ACAA2: variants seen among roughly 807,000 people sequenced by gnomAD.
The protein encoded by ACAA2 is acetyl-CoA acyltransferase 2, also known as 3-ketoacyl-CoA thiolase, mitochondrial.
Under a neutral mutation model 44.8 loss-of-function variants are expected in ACAA2, and 35 were observed. The observed-to-expected ratio is 0.78, with a 90% CI of 0.60 to 1.04. The LOEUF (loss-of-function observed/expected upper bound fraction) is 1.04, where lower values mean the gene tolerates loss of function less well. Ranked by LOEUF, ACAA2 falls within the 50% of genes least tolerant of loss-of-function variation. The probability of loss-of-function intolerance (pLI) is 0.00; values close to 1 mark genes in which losing one functional copy is unlikely to be tolerated. For missense variants in ACAA2, 468 were observed against 482.6 expected (o/e 0.97, Z 0.28); for synonymous variants, 142 against 166.5 (o/e 0.85, Z 1.13).
At chr18:49,803,058 C>G in intron 1 of ACAA2, 1 of 637,898 alleles carries the variant, frequency 1.6e-6, no homozygotes, top group Non-Finnish European at 2.8e-6. Context: ...TACCTACATG[C>G]AGGTACCAAG....
intron 8 of ACAA2, chr18:49,785,762 T>TAAGA (rs1457202641): frequency 1.0e-5 from 2 of 191,954 alleles, no homozygotes; most frequent in Non-Finnish European, 2.1e-5. Context: ...GGTATCATGC[T>TAAGA]AAGAGTCACT....
intron 1 of ACAA2, among the ~76,000 whole-genome samples, chr18:49,809,751 G>C (rs1255200392): frequency 6.6e-6 from 1 of 152,212 alleles, no homozygotes; most frequent in Admixed American, 6.5e-5. Flanking sequence ...CACAGATGAT[G>C]TTTAGGGTGG....
rs2298630 is a variant in ACAA2, at chr18:49,795,466, C to T, written c.429+299G>A. ...TCACTCTTTTGTCTATCTTTTTAAT[C>T]CACTTCTTCCCTTCCTCCATCTCTC... On this transcript the variant is annotated intron_variant, in intron 4 of 9. Transcript: ENST00000285093. 0.17 allele frequency among the ~76,000 whole-genome samples: 25,223 copies of T among 152,066 alleles called. 2,680 individuals carry two copies. The highest frequency in any genetic ancestry group is 0.31 in the Middle Eastern group (90 of 294).
chr18:49,791,599 CCTTGAAAATAAAAATA>C lies in ACAA2; in HGVS notation c.754-16_754-1del. The C allele has an allele frequency of 6.2e-7, 1 of 1,611,742 alleles. No homozygotes were observed. The highest frequency in any genetic ancestry group is 1.1e-5 in the South Asian group (1 of 90,832). On this transcript the variant is annotated splice_acceptor_variant and splice_polypyrimidine_tract_variant and intron_variant, in intron 6 of 9. Coordinates refer to ENST00000285093, the MANE Select transcript of ACAA2 (RefSeq NM_006111.3). LOFTEE classifies it high-confidence loss of function. Reference sequence around the variant, plus strand: ...ACAGCTCCAGCACCATCAGCTACACCCTTGAAAATAAAAATACTAGATTAACTAAAGGCTAAAATAA... The same window carrying C: ...ACAGCTCCAGCACCATCAGCTACACCCTAGATTAACTAAAGGCTAAAATAA...
rs1390994194 is a variant in ACAA2 at position 49,794,276 on chromosome 18, T to C, written c.577+4A>G. On this transcript the variant is annotated splice_donor_region_variant and intron_variant, in intron 5 of 9. Coordinates refer to ENST00000285093, the MANE Select transcript of ACAA2 (RefSeq NM_006111.3). ...AGATACTGATACTTTCCAGTTTCAC[T>C]CACCAGCTTTCCATCTCTGCTGTGA... 1 of 1,594,840 alleles carries C rather than the reference T, an allele frequency of 6.3e-7. No individual in the cohort carries two copies. Among genetic ancestry groups the C allele is most frequent in the South Asian group, 1.1e-5 (1 of 87,198 alleles).
chr18:49,787,341 C>A lies in ACAA2; in HGVS notation c.904G>T (p.Gly302Trp). 1 of 1,472,388 alleles carries A rather than the reference C, an allele frequency of 6.8e-7. No individual in the cohort carries two copies. The highest frequency in any genetic ancestry group is 2.5e-5 in the Admixed American group (1 of 39,772). The allele number at this position is 1,472,388 out of a possible 1,614,324, so 91.2% of individuals were successfully genotyped here. The change falls in exon 8 of 10, where the codon GGG becomes TGG. Residue 302 changes from glycine (G) to tryptophan (W), a missense_variant. By Grantham distance (184) the Gly-to-Trp change is radical. Transcript: ENST00000285093. ...MGIGPVPAIS[G>W]ALKKAGLSLK... ...CTCAGTCCTGCTTTCTTCAGTGCCC[C>A]ACTGATAGCAGGGACAGGACCTATA... is the stretch of plus-strand genomic sequence containing the variant.
At chr18:49,794,640 T>G (rs2023444555) in intron 4 of ACAA2, among the ~76,000 whole-genome samples, 1 of 152,194 alleles carries the variant, frequency 6.6e-6, no homozygotes, top group Non-Finnish European at 1.5e-5. Context: ...GCACACATTC[T>G]CTGTCCCTCT....
chr18:49,788,504 T>G (rs928095493), intron 7 of ACAA2, among the ~76,000 whole-genome samples: 4 of 152,074 alleles, frequency 2.6e-5, no homozygotes, highest in South Asian at 2.1e-4. Flanking sequence ...CAGTTTCATG[T>G]GGCTACTGAT....
At chr18:49,801,724 T>C (rs1177224737) in intron 2 of ACAA2, among the ~76,000 whole-genome samples, 3 of 148,850 alleles carry the variant, frequency 2.0e-5, no homozygotes, top group Non-Finnish European at 3.0e-5. Flanking sequence ...TTTAAATATA[T>C]GTATCATATA....
intron 2 of ACAA2, among the ~76,000 whole-genome samples, chr18:49,799,413 C>T (rs62057092): frequency 4.6e-5 from 5 of 108,594 alleles, no homozygotes; most frequent in African/African-American, 1.1e-4. Context: ...GACGGGGTTT[C>T]GCTGTGTTGG....
chr18:49,786,533 TGA>T (rs1316810875), intron 8 of ACAA2: 1 of 152,210 alleles, frequency 6.6e-6, no homozygotes, highest in African/African-American at 2.4e-5. Flanking sequence ...GTTTCCTGTG[TGA>T]GAGATTATCA....
At chr18:49,789,294 C>A (rs1287581299) in intron 7 of ACAA2, among the ~76,000 whole-genome samples, 1 of 151,534 alleles carries the variant, frequency 6.6e-6, no homozygotes, top group Non-Finnish European at 1.5e-5. Context: ...AACCAGTTCC[C>A]ACTAGATACT....
intron 8 of ACAA2, 86 bp downstream of exon 8, chr18:49,787,205 T>A: frequency 9.3e-7 from 1 of 1,079,490 alleles, no homozygotes. Flanking sequence ...CAAAGAGCAA[T>A]GAGACCAAAT....
intron 2 of ACAA2, among the ~76,000 whole-genome samples, chr18:49,799,243 C>G (rs2023500154): frequency 6.6e-6 from 1 of 152,122 alleles, no homozygotes; most frequent in Non-Finnish European, 1.5e-5. Flanking sequence ...CCCCTCTCCC[C>G]ACGGTCTCCC....
At chr18:49,813,368 A>G (rs936000733) in intron 1 of ACAA2, 101 bp downstream of exon 1, 53 of 957,746 alleles carry the variant, frequency 5.5e-5, no homozygotes, top group Non-Finnish European at 6.9e-5. Flanking sequence ...AGTGAACTTC[A>G]CCCCACGACC....
intron 3 of ACAA2, 142 bp downstream of exon 3, chr18:49,797,324 G>C: frequency 3.5e-6 from 2 of 565,406 alleles, no homozygotes; most frequent in Non-Finnish European, 5.8e-6. Context: ...CATGGCTGGA[G>C]TGCAGTGGTA....
chr18:49,796,946 T>C (rs2023471213), intron 3 of ACAA2, among the ~76,000 whole-genome samples: 1 of 142,540 alleles, frequency 7.0e-6, no homozygotes. Context: ...ATGAACATAC[T>C]AGCTTTTAAA....
At position 49,794,530 on chromosome 18, in the gene ACAA2, A is replaced by G; in HGVS notation, c.430-103T>C. 4.2e-6 allele frequency: 4 copies of G among 951,498 alleles called. No individual in the cohort carries two copies. In the South Asian group the frequency reaches 9.2e-5, roughly 22 times the overall value. 58.9% of individuals were successfully genotyped at this position (951,498 alleles called of 1,614,324 possible). ...TCAACACTTCCAATAAACAAAAGTA[A>G]AATTAAGACTTTCTGATAACCACTA... On this transcript the variant is annotated intron_variant, in intron 4 of 9. Transcript: ENST00000285093.
chr18:49,798,746 G>A (rs1169468824), intron 2 of ACAA2, among the ~76,000 whole-genome samples: 1 of 152,024 alleles, frequency 6.6e-6, no homozygotes, highest in East Asian at 1.9e-4. Context: ...CTAACTAAAT[G>A]TTTCATCTGT....
Sources: gnomAD v4.1 joint callset for allele counts (sites outside exome capture counted in the v4.1 genomes callset) on GRCh38, gnomAD v4.1.1 for gene constraint, MANE v1.5 for transcripts, NCBI Gene and HGNC (gene_info 2026-07-23, HGNC 2026-07-21) for gene names.